The following SLC30A8 variants were observed in gnomAD, a reference collection of about 807,000 sequenced individuals.
SLC30A8 encodes solute carrier family 30 member 8, also known as proton-coupled zinc antiporter SLC30A8.
SLC30A8 carries 27 observed loss-of-function variants against 36.9 expected under a neutral mutation model. The observed-to-expected ratio is 0.73, with a 90% CI of 0.54 to 1.01. The LOEUF (loss-of-function observed/expected upper bound fraction) is 1.01. SLC30A8 is among the 50% of genes least tolerant of loss of function. The pLI, the probability that SLC30A8 is intolerant of heterozygous loss-of-function variation, is 0.00. For synonymous variants in SLC30A8, 164 were observed against 172.4 expected, an observed-to-expected ratio of 0.95 and a Z score of 0.38; for missense variants, 439 against 452.0, an observed-to-expected ratio of 0.97 and a Z score of 0.26.
At chr8:117,120,516 A>T (rs1820650228) in intron 2 of SLC30A8, among the ~76,000 whole-genome samples, 1 of 151,934 alleles carries the variant, frequency 6.6e-6, no homozygotes, top group Non-Finnish European at 1.5e-5. Context: ...AAGAAACCAT[A>T]GGGGGAAAAC....
Position 116,963,513 on chromosome 8 carries a change from G to A in SLC30A8, c.-266+12394G>A, listed in dbSNP as rs185003264. Among the ~76,000 whole-genome samples, 4 of 152,238 alleles carry A rather than the reference G, an allele frequency of 2.6e-5. No homozygotes were observed. The East Asian group carries it at 7.7e-4, about 29-fold the overall frequency. On this transcript the variant is annotated intron_variant, in intron 1 of 10. Coordinates refer to the SLC30A8 transcript ENST00000427715. ...CAATTCTGAATTTTTCATATAAATG[G>A]AACAATACAATTTTTGTATCTGGCT...
At chr8:116,981,496 A>G (rs1815259380) in intron 1 of SLC30A8, among the ~76,000 whole-genome samples, 1 of 152,174 alleles carries the variant, frequency 6.6e-6, no homozygotes, top group Non-Finnish European at 1.5e-5. Context: ...AGTTTAGCAT[A>G]CAGATTATTT....
intron 2 of SLC30A8, among the ~76,000 whole-genome samples, chr8:117,073,509 C>T (rs1169726473): frequency 1.3e-5 from 2 of 152,210 alleles, no homozygotes; most frequent in African/African-American, 4.8e-5. Flanking sequence ...ATCTGCCCCA[C>T]TTGGCCTCCC....
intron 1 of SLC30A8, among the ~76,000 whole-genome samples, chr8:117,009,782 T>G (rs1160946585): frequency 6.6e-6 from 1 of 152,188 alleles, no homozygotes; most frequent in African/African-American, 2.4e-5. Context: ...ATATACAGTA[T>G]TTACCTGGGA....
At chr8:116,970,314 A>G (rs1814749606) in intron 1 of SLC30A8, among the ~76,000 whole-genome samples, 1 of 152,216 alleles carries the variant, frequency 6.6e-6, no homozygotes, top group Non-Finnish European at 1.5e-5. Flanking sequence ...TATGAAAACA[A>G]TACTGTCTTC....
chr8:117,094,138 G>A (rs192526833), intron 2 of SLC30A8, among the ~76,000 whole-genome samples: 1 of 152,336 alleles, frequency 6.6e-6, no homozygotes, highest in East Asian at 1.9e-4. Context: ...TCCCCGAAGG[G>A]CCACAGCTCT....
chr8:116,982,602 G>C (rs1455715759), intron 1 of SLC30A8, among the ~76,000 whole-genome samples: 1 of 152,110 alleles, frequency 6.6e-6, no homozygotes, highest in Admixed American at 6.6e-5. Flanking sequence ...TGGGTGGCTG[G>C]AACCTGTCCA....
intron 1 of SLC30A8, among the ~76,000 whole-genome samples, chr8:116,971,213 G>C (rs191676640): frequency 1.3e-5 from 2 of 152,016 alleles, no homozygotes; most frequent in East Asian, 3.9e-4. Context: ...ACCATGGCAC[G>C]TGTTTACCTA....
chr8:117,014,534 G>A (rs1816447258), intron 1 of SLC30A8, among the ~76,000 whole-genome samples: 1 of 152,154 alleles, frequency 6.6e-6, no homozygotes, highest in East Asian at 1.9e-4. Flanking sequence ...GAAAAATATA[G>A]GATGGTCTTT....
chr8:116,963,026 A>G (rs924103763), intron 1 of SLC30A8, among the ~76,000 whole-genome samples: 1 of 152,024 alleles, frequency 6.6e-6, no homozygotes, highest in Non-Finnish European at 1.5e-5. Context: ...GTGAAATTAA[A>G]GAGAGAGAAA....
chr8:116,993,829 TAATA>T (rs1222640437), intron 1 of SLC30A8, among the ~76,000 whole-genome samples: 6 of 151,720 alleles, frequency 4.0e-5, no homozygotes, highest in Non-Finnish European at 5.9e-5. Context: ...AGAATAACAG[TAATA>T]AATAATAATA....
chr8:117,110,089 C>T (rs536579535), intron 2 of SLC30A8, among the ~76,000 whole-genome samples: 3 of 152,200 alleles, frequency 2.0e-5, no homozygotes, highest in African/African-American at 7.2e-5. Context: ...ATAGATACAC[C>T]TGGAAAGAGT....
chr8:116,956,647 T>A (rs1234854426), intron 1 of SLC30A8, among the ~76,000 whole-genome samples: 2 of 152,204 alleles, frequency 1.3e-5, no homozygotes, highest in African/African-American at 2.4e-5. Flanking sequence ...ATCAATTGGA[T>A]AGTCTCTCTC....
In SLC30A8 at chr8:117,174,437, A is replaced by G. The variant is rs1470180736; in HGVS notation, c.*1756A>G. 6.6e-6 allele frequency: 1 copy of G among 152,576 alleles called. No homozygotes were observed. Among genetic ancestry groups the G allele is most frequent in the Non-Finnish European group, 1.5e-5 (1 of 68,034 alleles). 9.5% of individuals were successfully genotyped at this position (152,576 alleles called of 1,614,324 possible). A position where few individuals can be genotyped will look rare whatever the true frequency, so the allele number is the denominator to read the frequency against. ...CTGCTGAGCTTTCCCTGCTCAGTAGAGACAAATATACTCATCCCCCACCTC... is the reference window on the plus strand; with the variant it reads ...CTGCTGAGCTTTCCCTGCTCAGTAGGGACAAATATACTCATCCCCCACCTC... On this transcript the variant is annotated 3_prime_UTR_variant, in exon 8 of 8. Coordinates refer to ENST00000456015, the MANE Select transcript of SLC30A8 (RefSeq NM_173851.3).
intron 2 of SLC30A8, among the ~76,000 whole-genome samples, chr8:117,073,274 T>TG (rs1195890611): frequency 6.7e-6 from 1 of 148,226 alleles, no homozygotes; most frequent in Non-Finnish European, 1.5e-5. Flanking sequence ...TTTTTTTTTT[T>TG]GAGACTGAGT....
At chr8:117,075,721 C>T (rs1020839228) in intron 2 of SLC30A8, among the ~76,000 whole-genome samples, 1 of 152,132 alleles carries the variant, frequency 6.6e-6, no homozygotes, top group East Asian at 1.9e-4. Context: ...ACAGCTATGA[C>T]CTTTGTAGAA....
chr8:117,097,449 T>A (rs1263779204), intron 2 of SLC30A8, among the ~76,000 whole-genome samples: 2 of 116,878 alleles, frequency 1.7e-5, no homozygotes, highest in African/African-American at 6.5e-5. Flanking sequence ...TTATATATTA[T>A]ATATAATATG....
chr8:117,034,236 A>G (rs1487635769), intron 1 of SLC30A8, among the ~76,000 whole-genome samples: 2 of 152,192 alleles, frequency 1.3e-5, no homozygotes, highest in African/African-American at 4.8e-5. Context: ...TTTAAATCAA[A>G]GTAATGCATG....
intron 2 of SLC30A8, among the ~76,000 whole-genome samples, chr8:117,101,643 A>G (rs1049674282): frequency 1.3e-5 from 2 of 152,178 alleles, no homozygotes; most frequent in Non-Finnish European, 2.9e-5. Context: ...CATTTGAGTC[A>G]GTGGACTGGG....
Sources: gnomAD v4.1 joint callset for allele counts (sites outside exome capture counted in the v4.1 genomes callset) on GRCh38, gnomAD v4.1.1 for gene constraint, MANE v1.5 for transcripts, NCBI Gene and HGNC (gene_info 2026-07-23, HGNC 2026-07-21) for gene names.